LRMDA: variants seen among roughly 807,000 people sequenced by gnomAD.
LRMDA encodes leucine rich melanocyte differentiation associated.
In LRMDA, 18 loss-of-function variants were observed where a neutral mutation model predicts 29.8. The ratio of observed to expected loss-of-function variants is 0.60; its 90% CI spans 0.42 to 0.90. LRMDA has a LOEUF of 0.90. Ranked by LOEUF, LRMDA falls within the 40% of genes least tolerant of loss-of-function variation. LRMDA has a pLI of 0.00. For missense variants in LRMDA, 273 were observed against 273.9 expected, an observed-to-expected ratio of 1.00 and a Z score of 0.02; for synonymous variants, 125 against 109.4, an observed-to-expected ratio of 1.14 and a Z score of -0.89.
chr10:76,079,617 A>G (rs1287032434), intron 5 of LRMDA, among the ~76,000 whole-genome samples: 1 of 152,240 alleles, frequency 6.6e-6, no homozygotes, highest in Non-Finnish European at 1.5e-5. Flanking sequence ...AAGTCCTTAC[A>G]TCAAAATATT....
At chr10:75,832,772 G>T (rs984792779) in intron 2 of LRMDA, among the ~76,000 whole-genome samples, 2 of 152,218 alleles carry the variant, frequency 1.3e-5, no homozygotes, top group East Asian at 1.9e-4. Context: ...ATCTTACGTG[G>T]ATGGTAGCAG....
At chr10:75,840,399 A>G (rs1001730518) in intron 2 of LRMDA, among the ~76,000 whole-genome samples, 3 of 152,216 alleles carry the variant, frequency 2.0e-5, no homozygotes, top group African/African-American at 7.2e-5. Context: ...AATTATTATG[A>G]ATGTTGAATT....
chr10:76,482,314 C>T (rs746988320), intron 6 of LRMDA, among the ~76,000 whole-genome samples: 20 of 151,872 alleles, frequency 1.3e-4, no homozygotes, highest in African/African-American at 3.1e-4. Flanking sequence ...CTAAATTATT[C>T]GCACACTTAA....
At chr10:76,239,100 G>T (rs1852220278) in intron 5 of LRMDA, among the ~76,000 whole-genome samples, 1 of 152,084 alleles carries the variant, frequency 6.6e-6, no homozygotes, top group South Asian at 2.1e-4. Context: ...ACAAATTTTA[G>T]GCATTTTAAA....
chr10:75,509,768 A>G (rs1245766282), intron 2 of LRMDA, among the ~76,000 whole-genome samples: 1 of 152,204 alleles, frequency 6.6e-6, no homozygotes, highest in African/African-American at 2.4e-5. Flanking sequence ...CAGTTTCTCT[A>G]TCTGCAAAAT....
chr10:75,965,280 C>T (rs776055198), intron 2 of LRMDA, among the ~76,000 whole-genome samples: 6 of 152,180 alleles, frequency 3.9e-5, no homozygotes, highest in Non-Finnish European at 7.3e-5. Flanking sequence ...TATTACTATA[C>T]TGTTACAATA....
intron 2 of LRMDA, among the ~76,000 whole-genome samples, chr10:75,795,746 G>T (rs1408357934): frequency 6.6e-6 from 1 of 151,976 alleles, no homozygotes; most frequent in Non-Finnish European, 1.5e-5. Context: ...AGGTCCTTTG[G>T]GTTTCCATAT....
At chr10:76,375,702 C>T (rs552742540) in intron 6 of LRMDA, among the ~76,000 whole-genome samples, 2 of 139,554 alleles carry the variant, frequency 1.4e-5, no homozygotes, top group East Asian at 4.0e-4. Flanking sequence ...AGTAAGTAAA[C>T]TTCTAAGTGT....
At chr10:75,634,919 A>G (rs1347476760) in intron 2 of LRMDA, among the ~76,000 whole-genome samples, 1 of 152,196 alleles carries the variant, frequency 6.6e-6, no homozygotes, top group Non-Finnish European at 1.5e-5. Context: ...ACATTACTGA[A>G]AAGGTGAAAG....
At chr10:75,722,520 G>C (rs1162479686) in intron 2 of LRMDA, among the ~76,000 whole-genome samples, 1 of 152,068 alleles carries the variant, frequency 6.6e-6, no homozygotes, top group Admixed American at 6.6e-5. Flanking sequence ...AGTCTACCAG[G>C]TTAACATGGG....
In LRMDA at chr10:75,698,890, T is replaced by G. The variant is rs376277348; in HGVS notation, c.131+260396T>G. ...GTTGTTACAAATATGAGTTCTCAGT[T>G]TTTCTTTTACAAAAATTCAAACTTT... is the stretch of plus-strand genomic sequence containing the variant. On this transcript the variant is annotated intron_variant, in intron 2 of 6. Coordinates refer to ENST00000611255, the MANE Select transcript of LRMDA (RefSeq NM_001305581.2). 5.3e-5 allele frequency among the ~76,000 whole-genome samples: 8 copies of G among 152,258 alleles called. No individual in the cohort carries two copies. In the South Asian group the frequency reaches 1.5e-3, roughly 28 times the overall value.
intron 2 of LRMDA, among the ~76,000 whole-genome samples, chr10:75,825,321 C>T (rs1182958305): frequency 6.6e-6 from 1 of 152,148 alleles, no homozygotes; most frequent in Non-Finnish European, 1.5e-5. Flanking sequence ...TTCCTGCCAA[C>T]ACAGGGCAAA....
chr10:75,936,147 A>G (rs557774983), intron 2 of LRMDA, among the ~76,000 whole-genome samples: 2 of 152,210 alleles, frequency 1.3e-5, no homozygotes, highest in African/African-American at 4.8e-5. Flanking sequence ...TGAGTCCTAC[A>G]TTTCTGCACT....
rs756023731 is a variant in LRMDA, at chr10:76,077,992, ATTTTTTTTTTTTTTTTTTTTTT to A, written c.516+19224_516+19245del. 6.0e-4 allele frequency among the ~76,000 whole-genome samples: 29 copies of A among 48,082 alleles called. No individual in the cohort carries two copies. In the South Asian group the frequency reaches 0.011, roughly 19 times the overall value. The allele number at this position is 48,082 out of a possible 152,430, so 31.5% of individuals were successfully genotyped here. Reference sequence around the variant, plus strand: ...TCCTACCCCTAACTGCAATATTAACATTTTTTTTTTTTTTTTTTTTTTTTTTTTTTTTTTTTGAGATGGAGTC... The same window carrying A: ...TCCTACCCCTAACTGCAATATTAACATTTTTTTTTTTTTTGAGATGGAGTC... On this transcript the variant is annotated intron_variant, in intron 5 of 6. Transcript: ENST00000611255.
intron 5 of LRMDA, among the ~76,000 whole-genome samples, chr10:76,124,433 A>G (rs1485851095): frequency 6.6e-6 from 1 of 152,214 alleles, no homozygotes; most frequent in Admixed American, 6.5e-5. Flanking sequence ...TCTTTCCTCT[A>G]CACTTACTGC....
chr10:75,575,757 G>A (rs1306271535), intron 2 of LRMDA, among the ~76,000 whole-genome samples: 2 of 152,192 alleles, frequency 1.3e-5, no homozygotes, highest in African/African-American at 4.8e-5. Flanking sequence ...CTCACCTGGA[G>A]AGTGCAAGGG....
At chr10:76,333,496 A>G (rs529759805) in intron 6 of LRMDA, among the ~76,000 whole-genome samples, 1 of 152,334 alleles carries the variant, frequency 6.6e-6, no homozygotes, top group South Asian at 2.1e-4. Context: ...ACTTGGTAAC[A>G]GATGGGGAAG....
chr10:76,171,714 G>T (rs1589362563), intron 5 of LRMDA, among the ~76,000 whole-genome samples: 1 of 152,300 alleles, frequency 6.6e-6, no homozygotes, highest in African/African-American at 2.4e-5. Context: ...ACGTCTTCTT[G>T]TGAGTGTATC....
chr10:76,263,223 CAATATGCTTTAT>C (rs1400454012), intron 5 of LRMDA, among the ~76,000 whole-genome samples: 1 of 151,918 alleles, frequency 6.6e-6, no homozygotes, highest in Non-Finnish European at 1.5e-5. Context: ...TGAAGTGTTT[CAATATGCTTTAT>C]TATAATCTGG....
Sources: allele counts gnomAD v4.1 joint callset (sites outside exome capture counted in the v4.1 genomes callset), GRCh38; gene constraint gnomAD v4.1.1; transcripts MANE v1.5; gene names NCBI Gene and HGNC (gene_info 2026-07-23, HGNC 2026-07-21).